The following GASK1A variants were observed in gnomAD, a reference collection of about 807,000 sequenced individuals.
The protein encoded by GASK1A is golgi associated kinase 1A.
In GASK1A, 40 loss-of-function variants were observed where a neutral mutation model predicts 41.2. The observed-to-expected ratio is 0.97, with a 90% CI of 0.75 to 1.27. The LOEUF (loss-of-function observed/expected upper bound fraction) is 1.27. Ranked by LOEUF, GASK1A falls within the 50% of genes most tolerant of loss-of-function variation. The pLI is 0.00. For missense variants in GASK1A, 678 were observed against 745.1 expected (o/e 0.91, Z 1.05); for synonymous variants, 316 against 307.1 (o/e 1.03, Z -0.30).
chr3:43,018,498 A>T (rs1242616687), intron 1 of GASK1A, among the ~76,000 whole-genome samples: 15 of 152,134 alleles, frequency 9.9e-5, no homozygotes, highest in Non-Finnish European at 1.5e-5. Context: ...TGTTTTAGCC[A>T]TCAAGCCTTA....
intron 1 of GASK1A, among the ~76,000 whole-genome samples, chr3:43,015,071 A>G (rs1444443264): frequency 6.6e-6 from 1 of 151,732 alleles, no homozygotes; most frequent in Non-Finnish European, 1.5e-5. Context: ...GTGTGAAGCC[A>G]CTAGGAGGGG....
chr3:42,991,777 T>C (rs1235859714), intron 1 of GASK1A, among the ~76,000 whole-genome samples: 1 of 152,142 alleles, frequency 6.6e-6, no homozygotes, highest in East Asian at 1.9e-4. Flanking sequence ...CACACAGGGT[T>C]CTTTCTCAAG....
In GASK1A at chr3:43,033,295, A is replaced by G. The variant is rs1475927151; in HGVS notation, c.1032A>G (p.Leu344=). The change falls in exon 2 of 5, where the codon CTA becomes CTG. Residue 344 remains leucine (L), a synonymous_variant. Transcript: ENST00000430121. ...VDRVLGLRRS[L]PAVARRFHSP... ...GTGTGCTGGGGCTGCGCCGGAGCCT[A>G]CCTGCTGTGGCCCGCCGCTTCCATA... is the stretch of plus-strand genomic sequence containing the variant. 2 of 1,551,384 alleles carry G rather than the reference A, an allele frequency of 1.3e-6. No homozygotes were observed. Among genetic ancestry groups the G allele is most frequent in the Non-Finnish European group, 1.7e-6 (2 of 1,146,920 alleles).
rs573465720 is a variant in GASK1A, at chr3:42,999,889, A to G, written c.3+20244A>G. On this transcript the variant is annotated intron_variant, in intron 1 of 4. Coordinates refer to ENST00000430121, the MANE Select transcript of GASK1A (RefSeq NM_001129908.3). ...ACTAGCTTGTGCCAGGAATTCCTCT[A>G]TCTTCAGAGACCATCATTCTAGTCT... 1.1e-4 allele frequency among the ~76,000 whole-genome samples: 16 copies of G among 152,222 alleles called. No homozygotes were observed. The East Asian group carries it at 1.2e-3, about 11-fold the overall frequency.
chr3:42,996,234 C>T (rs752454061), intron 1 of GASK1A, among the ~76,000 whole-genome samples: 2 of 152,238 alleles, frequency 1.3e-5, no homozygotes, highest in Non-Finnish European at 2.9e-5. Context: ...TAGGAAATTA[C>T]CATCATGGTA....
intron 1 of GASK1A, among the ~76,000 whole-genome samples, chr3:43,022,714 G>A (rs1413891319): frequency 1.3e-5 from 2 of 152,174 alleles, no homozygotes; most frequent in East Asian, 1.9e-4. Flanking sequence ...AAGGGTAAGG[G>A]CAATGAGAAG....
chr3:43,032,752 A>G lies in GASK1A; in HGVS notation c.489A>G (p.Thr163=), dbSNP rs2125686661. The change falls in exon 2 of 5, where the codon ACA becomes ACG. Residue 163 remains threonine, a synonymous_variant. Transcript: ENST00000430121. ...HPQHGSPIQE[T]QSEVVTLVSP... is the part of the protein sequence containing the mutation. ...AGCATGGCAGTCCCATCCAGGAGAC[A>G]CAGAGTGAGGTGGTCACCCTGGTCA... 1 of 1,551,344 alleles carries G rather than the reference A, an allele frequency of 6.4e-7. No individual in the cohort carries two copies. Among genetic ancestry groups the G allele is most frequent in the Non-Finnish European group, 8.7e-7 (1 of 1,146,998 alleles).
chr3:43,056,301 TC>T lies in GASK1A; in HGVS notation c.1645del (p.Gln549ArgfsTer36), dbSNP rs1253316226. ...QGGAQGLKQV[L>X]QTLEQRGQVL... ...GGAGCCCAGGGGCTGAAGCAGGTCC[TC>T]CAGACCCTGGAGCAGCGAGGACAGG... On this transcript the variant is annotated frameshift_variant, in exon 5 of 5. Coordinates refer to ENST00000430121, the MANE Select transcript of GASK1A (RefSeq NM_001129908.3). LOFTEE classifies it high-confidence loss of function. 3.2e-6 allele frequency: 5 copies of T among 1,551,696 alleles called. No homozygotes were observed. The East Asian group carries it at 1.2e-4, about 38-fold the overall frequency.
intron 1 of GASK1A, among the ~76,000 whole-genome samples, chr3:42,998,892 C>T (rs1298044794): frequency 6.6e-6 from 1 of 152,136 alleles, no homozygotes. Flanking sequence ...GTGTCAGCTT[C>T]CCTAGGATTC....
At chr3:43,015,570 GGCTGTGCAAAGTCACAGGAAGGA>G (rs1050250152) in intron 1 of GASK1A, among the ~76,000 whole-genome samples, 4 of 150,738 alleles carry the variant, frequency 2.7e-5, no homozygotes, top group African/African-American at 9.8e-5. Context: ...CACAGGAAGG[GGCTGTGCAAAGTCACAGGAAGGA>G]AAGTAGGAAG....
chr3:42,982,994 T>C (rs1271653679), intron 1 of GASK1A, among the ~76,000 whole-genome samples: 3 of 152,174 alleles, frequency 2.0e-5, no homozygotes, highest in African/African-American at 7.2e-5. Context: ...TTAGGGTCAC[T>C]TAGAGCCAGG....
intron 1 of GASK1A, among the ~76,000 whole-genome samples, chr3:42,985,179 C>G (rs2089302186): frequency 6.6e-6 from 1 of 152,130 alleles, no homozygotes; most frequent in Admixed American, 6.5e-5. Context: ...AAAAAAATAA[C>G]TTATTCTCTT....
At position 43,000,162 on chromosome 3, in the gene GASK1A, G is replaced by A. The variant is rs76488455; in HGVS notation, c.3+20517G>A. 7.6e-3 allele frequency among the ~76,000 whole-genome samples: 1,158 copies of A among 152,312 alleles called. 17 individuals are homozygous for A. The highest frequency in any genetic ancestry group is 0.026 in the African/African-American group (1,093 of 41,566). On this transcript the variant is annotated intron_variant, in intron 1 of 4. Coordinates refer to ENST00000430121, the MANE Select transcript of GASK1A (RefSeq NM_001129908.3). Reference sequence around the variant, plus strand: ...GTCCAGGCTCTGTCTTGAGGACCACGTGTTCTTACCCATCATCAGTTGGCC... The same window carrying A: ...GTCCAGGCTCTGTCTTGAGGACCACATGTTCTTACCCATCATCAGTTGGCC...
At chr3:43,030,275 G>C (rs1018948578) in intron 1 of GASK1A, among the ~76,000 whole-genome samples, 1 of 152,234 alleles carries the variant, frequency 6.6e-6, no homozygotes, top group African/African-American at 2.4e-5. Flanking sequence ...CCAAAGTGCT[G>C]GGATTACAGG....
At chr3:43,042,889 A>G (rs1277620785) in intron 2 of GASK1A, among the ~76,000 whole-genome samples, 2 of 152,150 alleles carry the variant, frequency 1.3e-5, no homozygotes, top group Non-Finnish European at 2.9e-5. Flanking sequence ...TGGAGCTTCC[A>G]GGGAAGATGC....
At chr3:43,026,064 G>A (rs150648208) in intron 1 of GASK1A, among the ~76,000 whole-genome samples, 52 of 152,284 alleles carry the variant, frequency 3.4e-4, no homozygotes, top group African/African-American at 8.7e-4. Flanking sequence ...GAAATATGCC[G>A]GAAGGTGAGT....
At chr3:42,990,266 C>T (rs1457411396) in intron 1 of GASK1A, among the ~76,000 whole-genome samples, 1 of 151,224 alleles carries the variant, frequency 6.6e-6, no homozygotes, top group South Asian at 2.1e-4. Context: ...GGGAGGATTG[C>T]TTGGGCCCAG....
chr3:42,994,080 T>C (rs1051495750), intron 1 of GASK1A, among the ~76,000 whole-genome samples: 1 of 152,246 alleles, frequency 6.6e-6, no homozygotes, highest in Non-Finnish European at 1.5e-5. Flanking sequence ...GTGATGCTTT[T>C]TCCACTCAAT....
chr3:43,026,063 C>T (rs922788114), intron 1 of GASK1A, among the ~76,000 whole-genome samples: 3 of 152,086 alleles, frequency 2.0e-5, no homozygotes, highest in East Asian at 1.9e-4. Context: ...TGAAATATGC[C>T]GGAAGGTGAG....
Sources: allele counts gnomAD v4.1 joint callset (sites outside exome capture counted in the v4.1 genomes callset), GRCh38; gene constraint gnomAD v4.1.1; transcripts MANE v1.5; gene names NCBI Gene and HGNC (gene_info 2026-07-23, HGNC 2026-07-21).